ZFR2: variants seen among roughly 807,000 people sequenced by gnomAD.
ZFR2 encodes the protein zinc finger RNA binding protein 2, also known as zinc finger RNA-binding protein 2.
ZFR2 carries 104 observed loss-of-function variants against 105.7 expected under a neutral mutation model. The ratio of observed to expected loss-of-function variants is 0.98; its 90% CI spans 0.84 to 1.16. The LOEUF is 1.16. Among genes scored for constraint, ZFR2 ranks in the 50% most tolerant of loss-of-function variants. The pLI, the probability that ZFR2 is intolerant of heterozygous loss-of-function variation, is 0.00. For missense variants in ZFR2, 1,425 were observed against 1,355.5 expected (o/e 1.05, Z -0.80); for synonymous variants, 634 against 597.7 (o/e 1.06, Z -0.89).
At chr19:3,844,860 C>T (rs528716532) in intron 1 of ZFR2, among the ~76,000 whole-genome samples, 20 of 152,280 alleles carry the variant, frequency 1.3e-4, no homozygotes, top group South Asian at 4.1e-4. Flanking sequence ...TGGAGCTCCC[C>T]GTGGCCCACT....
In ZFR2 at chr19:3,829,723, A is replaced by G. The variant is rs565224290; in HGVS notation, c.852+1580T>C. 4.6e-5 allele frequency among the ~76,000 whole-genome samples: 7 copies of G among 152,264 alleles called. No individual in the cohort carries two copies. In the South Asian group the frequency reaches 1.5e-3, roughly 32 times the overall value. ...AGACAGGGTTTCACCCATGTTGCCC[A>G]GGCTGGTCTCGAACTCCTGGGCTCA... On this transcript the variant is annotated intron_variant, in intron 5 of 18. Transcript: ENST00000262961.
rs2037830170 is a variant in ZFR2 at position 3,816,839 on chromosome 19, A to G, written c.1938T>C (p.Val646=). Residue 646 remains valine (V), a synonymous_variant, in exon 13 of 19, where the codon GTT becomes GTC. Coordinates refer to ENST00000262961, the MANE Select transcript of ZFR2 (RefSeq NM_015174.2). ...REEEGDKRSS[V]APQTRVLKGV... ...CTTTCAGGACCCGAGTCTGGGGGGC[A>G]ACGCTGCTGTGGGGACAAAGCCACA... The G allele has an allele frequency of 1.3e-6, 2 of 1,559,904 alleles. No homozygotes were observed. The highest frequency in any genetic ancestry group is 1.2e-5 in the South Asian group (1 of 84,788).
At chr19:3,837,822 T>C (rs1407636787) in intron 1 of ZFR2, among the ~76,000 whole-genome samples, 1 of 151,688 alleles carries the variant, frequency 6.6e-6, no homozygotes, top group East Asian at 1.9e-4. Flanking sequence ...CTATGGACAC[T>C]CGATGAACAC....
At chr19:3,820,324 G>A (rs755681285) in intron 10 of ZFR2, 34 bp from the exon 11 acceptor site, 2 of 1,515,112 alleles carry the variant, frequency 1.3e-6, no homozygotes, top group South Asian at 1.2e-5. Flanking sequence ...GCATGGTCAG[G>A]CCAGCAGTGG....
chr19:3,826,957 G>A (rs2037957305), intron 6 of ZFR2, among the ~76,000 whole-genome samples: 1 of 152,056 alleles, frequency 6.6e-6, no homozygotes, highest in African/African-American at 2.4e-5. Context: ...TAAGTGGAAA[G>A]GAGTCCCCGC....
At chr19:3,822,036 T>C (rs769512189) in intron 9 of ZFR2, 45 bp downstream of exon 9, 2 of 1,552,580 alleles carry the variant, frequency 1.3e-6, no homozygotes, top group East Asian at 2.4e-5. Context: ...CGCCGGGCCC[T>C]AGCACAGCCC....
At chr19:3,826,726 C>T (rs2003482) in intron 6 of ZFR2, among the ~76,000 whole-genome samples, 59,635 of 151,630 alleles carry the variant, frequency 0.39, 11,741 homozygotes, top group Admixed American at 0.43. Context: ...GCGTGAGGCA[C>T]CACGCCCGGC....
rs2038065041 is a variant in ZFR2, at chr19:3,834,986, A to G, written c.54-3T>C. On this transcript the variant is annotated splice_region_variant and splice_polypyrimidine_tract_variant and intron_variant, in intron 1 of 18. Coordinates refer to ENST00000262961, the MANE Select transcript of ZFR2 (RefSeq NM_015174.2). The surrounding 1 kb of genome is among the most constrained non-coding windows in gnomAD (Gnocchi z 5.3). ...GGGGAAGGGTCGGAGGCTGGGCGCT[A>G]GAACCACAAACACACACCAAAGCCC... is the stretch of plus-strand genomic sequence containing the variant. 1 of 1,606,748 alleles carries G rather than the reference A, an allele frequency of 6.2e-7. No homozygotes were observed. The highest frequency in any genetic ancestry group is 8.5e-7 in the Non-Finnish European group (1 of 1,177,780).
chr19:3,831,319 C>T lies in ZFR2; in HGVS notation c.836G>A (p.Ser279Asn), dbSNP rs768962987. 15 of 1,545,100 alleles carry T rather than the reference C, an allele frequency of 9.7e-6. No individual in the cohort carries two copies. Among genetic ancestry groups the T allele is most frequent in the Non-Finnish European group, 1.0e-5 (12 of 1,145,588 alleles). The change falls in exon 5 of 19, where the codon AGC becomes AAC. Residue 279 changes from serine (S) to asparagine (N), a missense_variant. By Grantham distance (46) the Ser-to-Asn change is conservative. Transcript: ENST00000262961. ...QLHYCDICKI[S>N]CAGPQTYREH... is the part of the protein sequence containing the mutation. ...GCGACTGACCTGGGGGCCAGCGCAG[C>T]TGATCTTGCAGATGTCGCAGTAGTG...
At chr19:3,816,337 C>T (rs940735700) in intron 13 of ZFR2, among the ~76,000 whole-genome samples, 2 of 151,606 alleles carry the variant, frequency 1.3e-5, no homozygotes, top group Admixed American at 6.6e-5. Flanking sequence ...CCTCTGCCTC[C>T]GGGATTTAAG....
intron 5 of ZFR2, among the ~76,000 whole-genome samples, chr19:3,830,311 C>T (rs1224514921): frequency 2.6e-5 from 4 of 151,974 alleles, no homozygotes; most frequent in Non-Finnish European, 4.4e-5. Context: ...CATGGTGGTT[C>T]GTACCTGTCT....
Position 3,848,984 on chromosome 19 carries a change from ACT to A in ZFR2, c.54-14003_54-14002del, listed in dbSNP as rs2038209149. On this transcript the variant is annotated intron_variant, in intron 1 of 18. Coordinates refer to ENST00000262961, the MANE Select transcript of ZFR2 (RefSeq NM_015174.2). ...ACTCCAGCCTGGACAACAAAGCGAG[ACT>A]CCGTCTCAAAACAAAACAAAACAAA... Among the ~76,000 whole-genome samples, 4 of 151,548 alleles carry A rather than the reference ACT, an allele frequency of 2.6e-5. No homozygotes were observed. The Middle Eastern group carries it at 0.014, about 515-fold the overall frequency.
intron 8 of ZFR2, among the ~76,000 whole-genome samples, chr19:3,822,416 G>A (rs2037906302): frequency 6.6e-6 from 1 of 151,420 alleles, no homozygotes; most frequent in Non-Finnish European, 1.5e-5. Flanking sequence ...GGGCTCAAGC[G>A]ATCCTCCCAC....
chr19:3,866,350 G>A (rs1012781773), intron 1 of ZFR2, among the ~76,000 whole-genome samples: 4 of 151,956 alleles, frequency 2.6e-5, no homozygotes, highest in East Asian at 1.9e-4. Flanking sequence ...TTCTCTCTGC[G>A]GCAATTCTAA....
chr19:3,808,070 C>T (rs1291909373), intron 17 of ZFR2, among the ~76,000 whole-genome samples: 2 of 139,492 alleles, frequency 1.4e-5, no homozygotes, highest in Non-Finnish European at 3.1e-5. Context: ...CATGTGTGCC[C>T]GTGTGTGCAA....
At chr19:3,825,760 C>T (rs1568422788) in intron 6 of ZFR2, among the ~76,000 whole-genome samples, 1 of 152,134 alleles carries the variant, frequency 6.6e-6, no homozygotes, top group East Asian at 1.9e-4. Flanking sequence ...CTAGTGCTCC[C>T]TGACTGCCCG....
intron 1 of ZFR2, among the ~76,000 whole-genome samples, chr19:3,835,499 T>G (rs1371401023): frequency 1.3e-5 from 2 of 151,158 alleles, no homozygotes; most frequent in African/African-American, 4.8e-5. Flanking sequence ...CCTTTTTTTT[T>G]TTTTTTTGTA....
chr19:3,862,959 C>T (rs952994606), intron 1 of ZFR2, among the ~76,000 whole-genome samples: 4 of 152,218 alleles, frequency 2.6e-5, no homozygotes, highest in African/African-American at 4.8e-5. Context: ...GAGGGGCCCA[C>T]GGTCTCACTT....
chr19:3,862,904 G>A (rs896094417), intron 1 of ZFR2, among the ~76,000 whole-genome samples: 3 of 152,224 alleles, frequency 2.0e-5, no homozygotes, highest in African/African-American at 7.2e-5. Context: ...GGAAAGAATG[G>A]GTGCAGCAGA....
Sources: gnomAD v4.1 joint callset for allele counts (sites outside exome capture counted in the v4.1 genomes callset) on GRCh38, gnomAD v4.1.1 for gene constraint, Gnocchi (gnomAD v3.1) non-coding constraint, MANE v1.5 for transcripts, NCBI Gene and HGNC (gene_info 2026-07-23, HGNC 2026-07-21) for gene names.